The following FAM117A variants were observed in gnomAD, a reference collection of about 807,000 sequenced individuals.
The protein encoded by FAM117A is protein FAM117A.
In FAM117A, 21 loss-of-function variants were observed where a neutral mutation model predicts 44.1. The observed-to-expected ratio is 0.48, with a 90% CI of 0.34 to 0.69. The LOEUF is 0.69. Among genes scored for constraint, FAM117A ranks in the 30% least tolerant of loss-of-function variants. The pLI is 0.01. For synonymous variants in FAM117A, 220 were observed against 238.3 expected (o/e 0.92, Z 0.71); for missense variants, 498 against 589.9 (o/e 0.84, Z 1.61).
At chr17:49,758,067 G>A (rs907479241) in intron 1 of FAM117A, among the ~76,000 whole-genome samples, 1 of 152,206 alleles carries the variant, frequency 6.6e-6, no homozygotes, top group Admixed American at 6.5e-5. Context: ...GGTGGCTCAC[G>A]CCTGTAATCC....
chr17:49,711,655 G>A (rs566668539), intron 7 of FAM117A, 100 bp from the exon 8 acceptor site: 234 of 1,155,872 alleles, frequency 2.0e-4, no homozygotes, highest in Non-Finnish European at 2.6e-4. Flanking sequence ...CAGCAGGAGA[G>A]CTGGGTCTCT....
At chr17:49,788,742 G>C (rs111327802), upstream of FAM117A, 85 of 1,412,538 alleles carry the variant, frequency 6.0e-5, 1 homozygote, top group African/African-American at 8.1e-4. Flanking sequence ...GATTGGGACT[G>C]ATACAGAGGC....
intron 1 of FAM117A, among the ~76,000 whole-genome samples, chr17:49,759,856 G>A (rs976927326): frequency 3.9e-5 from 6 of 152,136 alleles, no homozygotes; most frequent in Non-Finnish European, 5.9e-5. Context: ...TATCCCCATG[G>A]GGAAGCCAAT....
Position 49,711,435 on chromosome 17 carries a change from C to T in FAM117A, c.1182G>A (p.Met394Ile). Residue 394 changes from methionine to isoleucine, a missense_variant, in exon 8 of 8, where the codon ATG (methionine) becomes ATA (isoleucine). Coordinates refer to ENST00000240364, the MANE Select transcript of FAM117A (RefSeq NM_030802.4). ...AGGGGCAGTTACGGAAGATGAAGCC[C>T]ATGCCGGGGAAGAGGGGCTTCATCA... ...VNLMKPLFPG[M>I]GFIFRNCPSN... 1 of 1,613,830 alleles carries T rather than the reference C, an allele frequency of 6.2e-7. No individual in the cohort carries two copies. The highest frequency in any genetic ancestry group is 8.5e-7 in the Non-Finnish European group (1 of 1,179,978).
upstream of FAM117A, among the ~76,000 whole-genome samples, chr17:49,766,590 G>T (rs1411501984): frequency 6.6e-6 from 1 of 152,168 alleles, no homozygotes; most frequent in Non-Finnish European, 1.5e-5. Context: ...TAGACTAGTT[G>T]GTCTTTTGAA....
At chr17:49,771,454 G>T (rs2073760765) in intron 1 of FAM117A, among the ~76,000 whole-genome samples, 1 of 149,512 alleles carries the variant, frequency 6.7e-6, no homozygotes, top group Non-Finnish European at 1.5e-5. Flanking sequence ...CCGCTCTTTG[G>T]ACTATGGAAT....
At chr17:49,788,646 G>A (rs533103984), upstream of FAM117A, 1 of 531,916 alleles carries the variant, frequency 1.9e-6, no homozygotes, top group Non-Finnish European at 3.3e-6. Flanking sequence ...CCAGCCGGAA[G>A]TGAAGGAAAA....
At chr17:49,717,777 G>C (rs1393179693) in intron 5 of FAM117A, 63 bp from the exon 6 acceptor site, 1 of 1,344,736 alleles carries the variant, frequency 7.4e-7, no homozygotes, top group Non-Finnish European at 1.0e-6. Flanking sequence ...GCAGCACAGT[G>C]ACCCCAAGGG....
At chr17:49,748,170 G>GT (rs1344840249) in intron 1 of FAM117A, among the ~76,000 whole-genome samples, 3 of 152,222 alleles carry the variant, frequency 2.0e-5, no homozygotes, top group Non-Finnish European at 4.4e-5. Context: ...ATGCTTAACA[G>GT]TAATGTCACC....
intron 1 of FAM117A, among the ~76,000 whole-genome samples, chr17:49,773,838 C>A (rs534867613): frequency 6.6e-5 from 10 of 152,182 alleles, no homozygotes; most frequent in African/African-American, 2.4e-4. Context: ...ACTGTAACCT[C>A]CACCACCCTG....
chr17:49,746,114 A>G (rs2143760882), intron 1 of FAM117A, among the ~76,000 whole-genome samples: 1 of 152,342 alleles, frequency 6.6e-6, no homozygotes, highest in South Asian at 2.1e-4. Flanking sequence ...TGCACCCAAA[A>G]AAGTGCATAT....
Position 49,719,865 on chromosome 17 carries a change from G to A in FAM117A, c.603C>T (p.Ser201=). ...GGCAGGGGCTGAGTCGCAAGACAGG[G>A]GACCCTGAGGGGAAGCTGGGAGGGG... is the stretch of plus-strand genomic sequence containing the variant. ...RASPPSFPSG[S]PVLRLSPCLH... is the part of the protein sequence containing the mutation. Residue 201 remains serine, a synonymous_variant, in exon 5 of 8, where the codon TCC becomes TCT. Coordinates refer to ENST00000240364, the MANE Select transcript of FAM117A (RefSeq NM_030802.4). 6.2e-7 allele frequency: 1 copy of A among 1,605,890 alleles called. No individual in the cohort carries two copies. Among genetic ancestry groups the A allele is most frequent in the Non-Finnish European group, 8.5e-7 (1 of 1,177,564 alleles).
At chr17:49,774,628 G>A (rs992951591) in intron 1 of FAM117A, among the ~76,000 whole-genome samples, 1 of 152,210 alleles carries the variant, frequency 6.6e-6, no homozygotes, top group Non-Finnish European at 1.5e-5. Context: ...AAAGTGCTGG[G>A]ATTACAGGCG....
At chr17:49,717,372 G>A in intron 6 of FAM117A, 141 bp downstream of exon 6, 1 of 649,812 alleles carries the variant, frequency 1.5e-6, no homozygotes, top group Non-Finnish European at 2.6e-6. Flanking sequence ...TTGGTATAAT[G>A]TGCAGAAGAA....
At chr17:49,757,555 C>T (rs1013467019) in intron 1 of FAM117A, among the ~76,000 whole-genome samples, 9 of 152,106 alleles carry the variant, frequency 5.9e-5, no homozygotes, top group East Asian at 3.9e-4. Context: ...AAGCTGAGCC[C>T]GAACACTAGC....
chr17:49,739,372 C>T (rs2073623524), intron 1 of FAM117A, among the ~76,000 whole-genome samples: 1 of 152,154 alleles, frequency 6.6e-6, no homozygotes, highest in Non-Finnish European at 1.5e-5. Context: ...TAGTGACAGT[C>T]TAACCCAGGA....
At chr17:49,757,864 C>CGGAA (rs1331644124) in intron 1 of FAM117A, among the ~76,000 whole-genome samples, 1 of 152,234 alleles carries the variant, frequency 6.6e-6, no homozygotes, top group African/African-American at 2.4e-5. Context: ...TGCTTCCACT[C>CGGAA]TTCCCTGTTC....
intron 1 of FAM117A, among the ~76,000 whole-genome samples, chr17:49,753,115 G>A (rs528968222): frequency 5.3e-5 from 8 of 152,086 alleles, no homozygotes; most frequent in East Asian, 1.9e-4. Flanking sequence ...TGCCCGCCTC[G>A]GCCTCCCAAA....
intron 1 of FAM117A, among the ~76,000 whole-genome samples, chr17:49,758,630 AAAAAAATAAAATAAAT>A (rs2073708629): frequency 8.3e-6 from 1 of 120,734 alleles, no homozygotes; most frequent in South Asian, 2.8e-4. Flanking sequence ...TCAAAAAAAA[AAAAAAATAAAATAAAT>A]AAATAAATAA....
Sources: gnomAD v4.1 joint callset for allele counts (sites outside exome capture counted in the v4.1 genomes callset) on GRCh38, gnomAD v4.1.1 for gene constraint, MANE v1.5 for transcripts, NCBI Gene and HGNC (gene_info 2026-07-23, HGNC 2026-07-21) for gene names.